N4BP2: variants seen among roughly 807,000 people sequenced by gnomAD.
N4BP2 encodes the protein NEDD4-binding protein 2.
Under a neutral mutation model 152.8 loss-of-function variants are expected in N4BP2, and 91 were observed. The ratio of observed to expected loss-of-function variants is 0.60; its 90% CI spans 0.50 to 0.71. N4BP2 has a LOEUF of 0.71. Ranked by LOEUF, N4BP2 falls within the 30% of genes least tolerant of loss-of-function variation. The pLI, the probability that N4BP2 is intolerant of heterozygous loss-of-function variation, is 0.00. For missense variants in N4BP2, 1,923 were observed against 2,059.1 expected (o/e 0.93, Z 1.28); for synonymous variants, 646 against 705.3 (o/e 0.92, Z 1.33).
chr4:40,124,942 T>C (rs1718258487), intron 11 of N4BP2, among the ~76,000 whole-genome samples: 1 of 152,232 alleles, frequency 6.6e-6, no homozygotes, highest in Admixed American at 6.5e-5. Flanking sequence ...TTTTGGTACA[T>C]CCTGCCAACT....
intron 7 of N4BP2, 64 bp downstream of exon 7, chr4:40,113,572 A>G (rs1717092443): frequency 3.6e-6 from 4 of 1,120,294 alleles, no homozygotes; most frequent in Non-Finnish European, 5.4e-6. Context: ...GTCCGTTTAG[A>G]TTTTTCCCCT....
At chr4:40,169,689 G>A in the N4BP2 span, among the ~76,000 whole-genome samples, 1 of 151,406 alleles carries the variant, frequency 6.6e-6, no homozygotes, top group South Asian at 2.1e-4. Context: ...AGGAAGCTGG[G>A]TGTGGTGGCT....
At position 40,121,066 on chromosome 4, in the gene N4BP2, T is replaced by C; in HGVS notation, c.2955T>C (p.Thr985=). The change falls in exon 9 of 18, where the codon ACT becomes ACC. Residue 985 remains threonine, a synonymous_variant. Coordinates refer to ENST00000261435, the MANE Select transcript of N4BP2 (RefSeq NM_018177.6). ...TTACTTTTACCAATAGTGCACCAAC[T>C]GTTTCTGGAGTAGTAGAACCACAAA... ...LPLTFTNSAP[T]VSGVVEPQTL... is the part of the protein sequence containing the mutation. 1 of 1,614,084 alleles carries C rather than the reference T, an allele frequency of 6.2e-7. No homozygotes were observed.
chr4:40,112,430 G>A (rs145837891), intron 6 of N4BP2, among the ~76,000 whole-genome samples: 259 of 152,190 alleles, frequency 1.7e-3, no homozygotes, highest in African/African-American at 5.9e-3. Context: ...TTATGAAAAG[G>A]TAGTGGTACT....
chr4:40,145,108 T>C (rs942780352), intron 16 of N4BP2, among the ~76,000 whole-genome samples: 5 of 152,232 alleles, frequency 3.3e-5, no homozygotes, highest in African/African-American at 1.2e-4. Context: ...CTTTGTCCAA[T>C]AGACATTTAT....
intron 2 of N4BP2, among the ~76,000 whole-genome samples, chr4:40,074,400 C>G (rs1181827673): frequency 4.4e-5 from 5 of 112,528 alleles, no homozygotes; most frequent in African/African-American, 1.5e-4. Context: ...CCAGAGATGG[C>G]GTTTTGTCAT....
At chr4:40,070,914 T>G (rs2109896788) in intron 1 of N4BP2, among the ~76,000 whole-genome samples, 1 of 151,932 alleles carries the variant, frequency 6.6e-6, no homozygotes, top group South Asian at 2.1e-4. Flanking sequence ...AACCTCCTTC[T>G]CCTGAGTTCA....
rs1398818047 is a variant in N4BP2, at chr4:40,150,741, ACAC to A, written c.5144-2036_5144-2034del. Among the ~76,000 whole-genome samples the A allele has an allele frequency of 1.1e-4, 17 of 152,162 alleles. 1 individual carries two copies. The highest frequency in any genetic ancestry group is 1.1e-3 in the Admixed American group (17 of 15,272). ...TTTTTTCAATAAATTGTAAAGAAAAACACCAGGGGAGGGGAAACCTTGTTACTT... is the reference window on the plus strand; with the variant it reads ...TTTTTTCAATAAATTGTAAAGAAAAACAGGGGAGGGGAAACCTTGTTACTT... On this transcript the variant is annotated intron_variant, in intron 16 of 17. Transcript: ENST00000261435.
intron 13 of N4BP2, among the ~76,000 whole-genome samples, chr4:40,135,005 A>G (rs10023102): frequency 0.016 from 2,379 of 148,050 alleles, 66 homozygotes; most frequent in African/African-American, 0.057. Context: ...TGTGCAGGTT[A>G]GTTACATATG....
In N4BP2 at chr4:40,073,463, C is replaced by G. The variant is rs1712412167; in HGVS notation, c.-203C>G. The G allele has an allele frequency of 6.6e-6, 1 of 152,080 alleles. No homozygotes were observed. Among genetic ancestry groups the G allele is most frequent in the Non-Finnish European group, 1.5e-5 (1 of 68,022 alleles). The allele number at this position is 152,080 out of a possible 1,614,324, so 9.4% of individuals were successfully genotyped here. ...TAACTTTCCTTTCATAGTAAGAAGA[C>G]ATGTTGGATAACAAGAAGAGGTGTA... On this transcript the variant is annotated 5_prime_UTR_variant, in exon 2 of 18. Coordinates refer to ENST00000261435, the MANE Select transcript of N4BP2 (RefSeq NM_018177.6).
intron 14 of N4BP2, among the ~76,000 whole-genome samples, chr4:40,137,940 C>T (rs973014233): frequency 1.3e-5 from 2 of 152,136 alleles, no homozygotes; most frequent in Non-Finnish European, 2.9e-5. Flanking sequence ...AAGTTGGAGG[C>T]ATAGTTTCTG....
chr4:40,110,982 C>T (rs1398444475), intron 5 of N4BP2, among the ~76,000 whole-genome samples: 1 of 152,048 alleles, frequency 6.6e-6, no homozygotes, highest in Non-Finnish European at 1.5e-5. Context: ...GGTCTAATTC[C>T]TTTGGAAGAA....
At chr4:40,093,300 C>T (rs575421401) in intron 2 of N4BP2, among the ~76,000 whole-genome samples, 6 of 152,144 alleles carry the variant, frequency 3.9e-5, no homozygotes, top group East Asian at 3.9e-4. Flanking sequence ...ATTTGCCCTT[C>T]GTTTTCTGGG....
rs746687887 is a variant in N4BP2, at chr4:40,113,461, T to A, written c.1617T>A (p.Phe539Leu). Residue 539 changes from phenylalanine to leucine, a missense_variant, in exon 7 of 18, where the codon TTT (phenylalanine) becomes TTA (leucine). Phe to Leu is a conservative substitution (Grantham distance 22). Coordinates refer to ENST00000261435, the MANE Select transcript of N4BP2 (RefSeq NM_018177.6). ...LSQKHKYKVL[F>L]REPDTWWKFK... is the part of the protein sequence containing the mutation. ...AGAAACACAAATATAAAGTCCTTTT[T>A]CGGGAACCAGACACATGGTGGAAGT... The A allele has an allele frequency of 2.5e-6, 4 of 1,613,600 alleles. No individual in the cohort carries two copies. In the Admixed American group the frequency reaches 6.7e-5, roughly 27 times the overall value.
chr4:40,124,816 G>A (rs1035456794), intron 11 of N4BP2, among the ~76,000 whole-genome samples: 8 of 152,148 alleles, frequency 5.3e-5, no homozygotes, highest in African/African-American at 1.9e-4. Context: ...GAAAACTTTT[G>A]GTTTGAGAGC....
the N4BP2 span, among the ~76,000 whole-genome samples, chr4:40,171,285 G>A: frequency 6.6e-6 from 1 of 152,160 alleles, no homozygotes; most frequent in African/African-American, 2.4e-5. Context: ...ACCAGGAGAC[G>A]AGCTCTAGGA....
At chr4:40,179,584 T>C in the N4BP2 span, among the ~76,000 whole-genome samples, 3 of 152,120 alleles carry the variant, frequency 2.0e-5, no homozygotes, top group South Asian at 6.2e-4. Flanking sequence ...CTGAGGCACA[T>C]GGAAATTAAA....
chr4:40,121,694 G>A lies in N4BP2; in HGVS notation c.3583G>A (p.Asp1195Asn), dbSNP rs767410530. The part of the protein sequence containing the change: ...ISNADSQSTC[D>N]AERGNSEQAE... ...TAACGCTGACTCACAGTCTACTTGTGATGCAGAAAGAGGAAACTCAGAGCA... is the reference window on the plus strand; with the variant it reads ...TAACGCTGACTCACAGTCTACTTGTAATGCAGAAAGAGGAAACTCAGAGCA... Residue 1195 changes from aspartate to asparagine, a missense_variant, in exon 9 of 18, where the codon GAT becomes AAT. Coordinates refer to ENST00000261435, the MANE Select transcript of N4BP2 (RefSeq NM_018177.6). The A allele has an allele frequency of 1.2e-6, 2 of 1,613,972 alleles. No individual in the cohort carries two copies. The highest frequency in any genetic ancestry group is 1.3e-5 in the African/African-American group (1 of 74,916).
chr4:40,085,211 A>G (rs994554007), intron 2 of N4BP2, among the ~76,000 whole-genome samples: 7 of 151,132 alleles, frequency 4.6e-5, no homozygotes, highest in African/African-American at 1.7e-4. Flanking sequence ...ACACCCGGCC[A>G]ATTTATATTT....
Sources: allele counts gnomAD v4.1 joint callset (sites outside exome capture counted in the v4.1 genomes callset), GRCh38; gene constraint gnomAD v4.1.1; transcripts MANE v1.5; gene names NCBI Gene and HGNC (gene_info 2026-07-23, HGNC 2026-07-21).